Variants in CSMD1 observed in about 807,000 individuals in gnomAD.
The protein encoded by CSMD1 is CUB and sushi domain-containing protein 1.
In CSMD1, 213 loss-of-function variants were observed where a neutral mutation model predicts 417.5. The ratio of observed to expected loss-of-function variants is 0.51; its 90% CI spans 0.46 to 0.57. CSMD1 has a LOEUF of 0.57. CSMD1 is among the 20% of genes least tolerant of loss of function. The probability of loss-of-function intolerance (pLI) is 0.00; values close to 1 mark genes in which losing one functional copy is unlikely to be tolerated. For synonymous variants in CSMD1, 2,862 were observed against 1,736.8 expected (o/e 1.65, Z -16.11); for missense variants, 6,923 against 4,529.7 (o/e 1.53, Z -15.17).
At chr8:4,160,537 G>A (rs963189822) in intron 3 of CSMD1, among the ~76,000 whole-genome samples, 2 of 152,222 alleles carry the variant, frequency 1.3e-5, no homozygotes, top group Admixed American at 1.3e-4. Context: ...AGGAAAAGGA[G>A]ATTTTCAGGT....
chr8:3,685,129 T>C (rs1312817515), intron 7 of CSMD1, among the ~76,000 whole-genome samples: 2 of 152,192 alleles, frequency 1.3e-5, no homozygotes, highest in Non-Finnish European at 2.9e-5. Context: ...GCTGGATTTT[T>C]AAAGTGTTTT....
chr8:3,418,875 G>C (rs540407270), intron 12 of CSMD1, among the ~76,000 whole-genome samples: 29 of 152,132 alleles, frequency 1.9e-4, no homozygotes, highest in Non-Finnish European at 3.8e-4. Context: ...TAAAGACATA[G>C]AAAACGAATA....
At chr8:4,973,259 G>A (rs1051113572) in intron 1 of CSMD1, among the ~76,000 whole-genome samples, 12 of 152,168 alleles carry the variant, frequency 7.9e-5, no homozygotes, top group African/African-American at 2.9e-4. Flanking sequence ...AATGCTTGAG[G>A]GCAGGGACTT....
At chr8:4,575,186 T>C (rs1484855183) in intron 2 of CSMD1, among the ~76,000 whole-genome samples, 1 of 152,240 alleles carries the variant, frequency 6.6e-6, no homozygotes, top group East Asian at 1.9e-4. Flanking sequence ...ATCTTATCAC[T>C]TGACCTCTTC....
intron 3 of CSMD1, among the ~76,000 whole-genome samples, chr8:4,298,966 G>C (rs1437604730): frequency 6.6e-6 from 1 of 151,616 alleles, no homozygotes; most frequent in Non-Finnish European, 1.5e-5. Context: ...ATATATAATA[G>C]AACAATGAAA....
At chr8:4,602,664 C>T (rs909474075) in intron 2 of CSMD1, among the ~76,000 whole-genome samples, 6 of 152,164 alleles carry the variant, frequency 3.9e-5, no homozygotes, top group African/African-American at 9.7e-5. Context: ...GTGGCAAATA[C>T]TTCTTGGCTT....
intron 3 of CSMD1, among the ~76,000 whole-genome samples, chr8:4,280,324 G>C (rs537507592): frequency 6.6e-6 from 1 of 152,244 alleles, no homozygotes; most frequent in South Asian, 2.1e-4. Flanking sequence ...GAGTGGATAT[G>C]TTACCACGTT....
At chr8:3,578,967 C>T (rs564049318) in intron 9 of CSMD1, among the ~76,000 whole-genome samples, 1 of 152,296 alleles carries the variant, frequency 6.6e-6, no homozygotes, top group East Asian at 1.9e-4. Flanking sequence ...TAGTAGAATG[C>T]CTCTTTCTAC....
intron 27 of CSMD1, among the ~76,000 whole-genome samples, chr8:3,227,673 A>G (rs973707476): frequency 6.6e-6 from 1 of 152,142 alleles, no homozygotes; most frequent in African/African-American, 2.4e-5. Flanking sequence ...CGAGTAGAAA[A>G]TACATAGTAA....
intron 1 of CSMD1, among the ~76,000 whole-genome samples, chr8:4,938,651 G>T (rs1037876483): frequency 6.6e-6 from 1 of 152,146 alleles, no homozygotes; most frequent in African/African-American, 2.4e-5. Context: ...TGTAATCAGT[G>T]CTTGAACTCC....
intron 2 of CSMD1, among the ~76,000 whole-genome samples, chr8:4,501,745 G>A (rs902053227): frequency 6.6e-6 from 1 of 152,166 alleles, no homozygotes; most frequent in Non-Finnish European, 1.5e-5. Context: ...TCAGACTCAT[G>A]GTTGCAGTAG....
intron 7 of CSMD1, among the ~76,000 whole-genome samples, chr8:3,636,887 T>C (rs7006294): frequency 0.36 from 54,936 of 152,102 alleles, 10,704 homozygotes; most frequent in Middle Eastern, 0.51. Flanking sequence ...TTGTTGCCAT[T>C]GTGAGGTAAC....
intron 5 of CSMD1, among the ~76,000 whole-genome samples, chr8:3,892,029 A>AT (rs1807007731): frequency 4.0e-5 from 1 of 25,120 alleles, no homozygotes; most frequent in Non-Finnish European, 9.2e-5. Flanking sequence ...CGCAAACAAA[A>AT]AAAAAAAAAA....
chr8:2,990,616 T>A (rs1806301305), intron 54 of CSMD1, among the ~76,000 whole-genome samples: 1 of 152,178 alleles, frequency 6.6e-6, no homozygotes, highest in South Asian at 2.1e-4. Context: ...AGCAAGAAAC[T>A]AGGGACACCT....
chr8:3,586,339 A>C, intron 8 of CSMD1, 79 bp from the exon 9 acceptor site: 1 of 1,343,732 alleles, frequency 7.4e-7, no homozygotes. Flanking sequence ...AAATCAGCAA[A>C]ATGGCTGCTA....
intron 3 of CSMD1, among the ~76,000 whole-genome samples, chr8:4,406,669 G>A (rs1805047645): frequency 6.6e-6 from 1 of 152,158 alleles, no homozygotes; most frequent in Non-Finnish European, 1.5e-5. Context: ...TCCTGGCCAT[G>A]CCTTACACAA....
chr8:4,259,718 G>A (rs776836341), intron 3 of CSMD1, among the ~76,000 whole-genome samples: 12 of 151,688 alleles, frequency 7.9e-5, no homozygotes, highest in Non-Finnish European at 1.5e-4. Flanking sequence ...CAATAATTTT[G>A]CCACAAATAT....
intron 3 of CSMD1, among the ~76,000 whole-genome samples, chr8:4,361,466 G>A (rs1328906578): frequency 6.7e-6 from 1 of 149,284 alleles, no homozygotes; most frequent in East Asian, 2.0e-4. Context: ...GCCTAATAAG[G>A]TCGACATTAT....
intron 3 of CSMD1, among the ~76,000 whole-genome samples, chr8:4,052,783 C>T (rs567866048): frequency 6.6e-5 from 10 of 152,100 alleles, no homozygotes; most frequent in Non-Finnish European, 1.2e-4. Context: ...GAGGACACAT[C>T]CTGGAACCCA....
Sources: allele counts gnomAD v4.1 joint callset (sites outside exome capture counted in the v4.1 genomes callset), GRCh38; gene constraint gnomAD v4.1.1; transcripts MANE v1.5; gene names NCBI Gene and HGNC (gene_info 2026-07-23, HGNC 2026-07-21).